The following OTOGL variants were observed in gnomAD, a reference collection of about 807,000 sequenced individuals.
OTOGL encodes otogelin like, also known as otogelin-like protein.
A neutral mutation model predicts 318.5 loss-of-function variants in OTOGL; 285 were observed. The ratio of observed to expected loss-of-function variants is 0.89; its 90% CI spans 0.81 to 0.99. The LOEUF (loss-of-function observed/expected upper bound fraction) is 0.99, where lower values mean the gene tolerates loss of function less well. OTOGL is among the 50% of genes least tolerant of loss of function. The pLI, the probability that OTOGL is intolerant of heterozygous loss-of-function variation, is 0.00. For synonymous variants in OTOGL, 987 were observed against 936.5 expected, an observed-to-expected ratio of 1.05 and a Z score of -0.99; for missense variants, 2,899 against 2,845.6, an observed-to-expected ratio of 1.02 and a Z score of -0.43.
intron 1 of OTOGL, among the ~76,000 whole-genome samples, chr12:80,197,326 G>T (rs1876146039): frequency 6.6e-6 from 1 of 151,964 alleles, no homozygotes; most frequent in African/African-American, 2.4e-5. Flanking sequence ...CATGGCCATG[G>T]TCACTCATAT....
Position 80,358,244 on chromosome 12 carries a change from T to C in OTOGL, c.6020-4T>C. Reference sequence around the variant, plus strand: ...GTGATTTTTGGCTTCTTGTTTTACCTTAGTTTGTGAATCTTGCACCAAACC... The same window carrying C: ...GTGATTTTTGGCTTCTTGTTTTACCCTAGTTTGTGAATCTTGCACCAAACC... On this transcript the variant is annotated splice_region_variant and splice_polypyrimidine_tract_variant and intron_variant, in intron 49 of 58. Coordinates refer to ENST00000547103, the MANE Select transcript of OTOGL (RefSeq NM_001378609.3). 6.2e-7 allele frequency: 1 copy of C among 1,603,292 alleles called. No homozygotes were observed. Among genetic ancestry groups the C allele is most frequent in the Non-Finnish European group, 8.5e-7 (1 of 1,171,736 alleles).
intron 26 of OTOGL, among the ~76,000 whole-genome samples, chr12:80,280,377 A>C (rs2137630066): frequency 1.4e-5 from 1 of 69,400 alleles, no homozygotes; most frequent in Admixed American, 1.8e-4. Flanking sequence ...GACAAGGCCT[A>C]CATCCAGAAT....
chr12:80,234,861 A>T (rs539666872), intron 9 of OTOGL, among the ~76,000 whole-genome samples: 10 of 152,204 alleles, frequency 6.6e-5, no homozygotes, highest in Non-Finnish European at 2.9e-5. Context: ...GATAATGATA[A>T]TGACTCTGGG....
intron 1 of OTOGL, among the ~76,000 whole-genome samples, chr12:80,138,905 T>C (rs565136890): frequency 5.9e-5 from 9 of 152,258 alleles, no homozygotes; most frequent in South Asian, 4.1e-4. Flanking sequence ...AGCAAAAGTC[T>C]CTGAACATGT....
intron 1 of OTOGL, among the ~76,000 whole-genome samples, chr12:80,178,212 C>T (rs2137233224): frequency 6.6e-6 from 1 of 151,746 alleles, no homozygotes; most frequent in Admixed American, 6.6e-5. Context: ...AGACACCTAC[C>T]ACCATGCCCG....
At chr12:80,224,035 T>A (rs962570647) in intron 7 of OTOGL, among the ~76,000 whole-genome samples, 4 of 152,198 alleles carry the variant, frequency 2.6e-5, no homozygotes, top group African/African-American at 9.6e-5. Context: ...TTTCCAATGT[T>A]ATATTCTAGA....
chr12:80,210,825 C>T (rs903597986), intron 2 of OTOGL, 22 bp from the exon 3 acceptor site: 1 of 1,412,592 alleles, frequency 7.1e-7, no homozygotes, highest in East Asian at 2.7e-5. Flanking sequence ...TTTTTTCATT[C>T]TTATATATTT....
intron 1 of OTOGL, among the ~76,000 whole-genome samples, chr12:80,156,251 C>A (rs1873108939): frequency 6.6e-6 from 1 of 152,172 alleles, no homozygotes; most frequent in South Asian, 2.1e-4. Context: ...TCGTCTACAT[C>A]TTTCTCCCTT....
intron 6 of OTOGL, 43 bp from the exon 7 acceptor site, chr12:80,222,048 G>A (rs1878392710): frequency 5.2e-6 from 8 of 1,542,132 alleles, no homozygotes; most frequent in Non-Finnish European, 7.0e-6. Flanking sequence ...CTAGAAACGT[G>A]TAATTTATTT....
chr12:80,224,236 G>A (rs1233347806), intron 7 of OTOGL, among the ~76,000 whole-genome samples: 1 of 152,078 alleles, frequency 6.6e-6, no homozygotes, highest in African/African-American at 2.4e-5. Context: ...TTAGTTGGCT[G>A]TAAGCATCTG....
chr12:80,345,004 ATAT>A (rs1180968531), intron 44 of OTOGL, among the ~76,000 whole-genome samples: 203 of 141,714 alleles, frequency 1.4e-3, no homozygotes, highest in Non-Finnish European at 1.8e-3. Flanking sequence ...TATATTTTAT[ATAT>A]TATTATATAT....
At chr12:80,237,398 A>G (rs1879962987) in intron 9 of OTOGL, among the ~76,000 whole-genome samples, 1 of 152,162 alleles carries the variant, frequency 6.6e-6, no homozygotes, top group Non-Finnish European at 1.5e-5. Context: ...CAAGTGTGTG[A>G]TTGGTGCTAG....
chr12:80,176,797 A>C (rs1380248251), intron 1 of OTOGL, among the ~76,000 whole-genome samples: 2 of 152,038 alleles, frequency 1.3e-5, no homozygotes, highest in Admixed American at 6.6e-5. Context: ...TGCATATTTA[A>C]TTTTTTTTAA....
At chr12:80,326,036 A>G (rs934494924) in intron 35 of OTOGL, among the ~76,000 whole-genome samples, 1 of 152,126 alleles carries the variant, frequency 6.6e-6, no homozygotes, top group Non-Finnish European at 1.5e-5. Flanking sequence ...ACTGATTCTC[A>G]TCTCTACCTC....
At chr12:80,278,997 TAG>T in intron 25 of OTOGL, 29 bp from the exon 26 acceptor site, 2 of 1,564,372 alleles carry the variant, frequency 1.3e-6, no homozygotes, top group East Asian at 2.3e-5. Context: ...GTCGTTTCTT[TAG>T]AAAGGTAACT....
At chr12:80,136,315 C>T (rs979666455) in intron 1 of OTOGL, among the ~76,000 whole-genome samples, 2 of 152,210 alleles carry the variant, frequency 1.3e-5, no homozygotes, top group Non-Finnish European at 2.9e-5. Context: ...TCTTAGTCCT[C>T]ATTTTACTGA....
intron 1 of OTOGL, among the ~76,000 whole-genome samples, chr12:80,148,447 T>C (rs544885318): frequency 6.7e-6 from 1 of 149,816 alleles, no homozygotes; most frequent in East Asian, 2.0e-4. Flanking sequence ...GGGCTTCCCT[T>C]TGAGGGTAAC....
At position 80,229,396 on chromosome 12, in the gene OTOGL, G is replaced by A; in HGVS notation, c.611+18G>A. ...GGAATCAGGTAGGATATGGGAAACA[G>A]TGAAATGTCAGTAACACCACAAATT... On this transcript the variant is annotated intron_variant, in intron 8 of 58. Transcript: ENST00000547103. The A allele has an allele frequency of 6.3e-7, 1 of 1,587,836 alleles. No homozygotes were observed. Among genetic ancestry groups the A allele is most frequent in the South Asian group, 1.1e-5 (1 of 90,756 alleles).
intron 1 of OTOGL, among the ~76,000 whole-genome samples, chr12:80,156,502 C>T (rs1592503268): frequency 6.6e-6 from 1 of 152,208 alleles, no homozygotes; most frequent in Admixed American, 6.5e-5. Flanking sequence ...TATGGTTTGG[C>T]TGCGTCCCCC....
Sources: allele counts gnomAD v4.1 joint callset (sites outside exome capture counted in the v4.1 genomes callset), GRCh38; gene constraint gnomAD v4.1.1; transcripts MANE v1.5; gene names NCBI Gene and HGNC (gene_info 2026-07-23, HGNC 2026-07-21).